The following SEMA3C variants were observed in gnomAD, a reference collection of about 807,000 sequenced individuals.
SEMA3C encodes semaphorin 3C, also known as semaphorin-3C.
SEMA3C carries 47 observed loss-of-function variants against 89.4 expected under a neutral mutation model. The observed-to-expected ratio is 0.53, with a 90% CI of 0.42 to 0.67. SEMA3C has a LOEUF of 0.67. Ranked by LOEUF, SEMA3C falls within the 30% of genes least tolerant of loss-of-function variation. The pLI is 0.00. For missense variants in SEMA3C, 839 were observed against 929.1 expected (o/e 0.90, Z 1.26); for synonymous variants, 310 against 320.2 (o/e 0.97, Z 0.34).
chr7:80,892,652 C>T (rs763819670), intron 2 of SEMA3C, among the ~76,000 whole-genome samples: 4 of 152,000 alleles, frequency 2.6e-5, no homozygotes, highest in Admixed American at 1.3e-4. Context: ...GATCATTTTT[C>T]ACAAAAATAG....
chr7:80,827,596 A>G (rs1409877048), intron 3 of SEMA3C, 109 bp from the exon 4 acceptor site: 5 of 659,326 alleles, frequency 7.6e-6, no homozygotes, highest in Non-Finnish European at 1.2e-5. Context: ...ATCTTACACT[A>G]AGACTTTAAA....
chr7:80,856,412 C>T (rs1005999974), intron 2 of SEMA3C, among the ~76,000 whole-genome samples: 5 of 150,974 alleles, frequency 3.3e-5, no homozygotes, highest in African/African-American at 7.3e-5. Flanking sequence ...AATGATAACC[C>T]GGTAGGAATG....
At chr7:80,818,501 T>C in intron 4 of SEMA3C, 83 bp from the exon 5 acceptor site, 1 of 1,462,014 alleles carries the variant, frequency 6.8e-7, no homozygotes, top group African/African-American at 1.4e-5. Flanking sequence ...TGAGATCTTG[T>C]ATGATAAGTA....
intron 2 of SEMA3C, among the ~76,000 whole-genome samples, chr7:80,854,927 A>T (rs2115957010): frequency 6.6e-6 from 1 of 152,336 alleles, no homozygotes; most frequent in Non-Finnish European, 1.5e-5. Context: ...GATAAGATGT[A>T]ACCAGATTTT....
At chr7:80,765,793 G>A (rs529107012) in intron 12 of SEMA3C, among the ~76,000 whole-genome samples, 2 of 152,178 alleles carry the variant, frequency 1.3e-5, no homozygotes, top group South Asian at 2.1e-4. Context: ...TAGCCAGGAT[G>A]GTCTCAATCT....
chr7:80,809,903 A>C (rs1485038717), intron 6 of SEMA3C, among the ~76,000 whole-genome samples: 1 of 152,072 alleles, frequency 6.6e-6, no homozygotes, highest in Non-Finnish European at 1.5e-5. Context: ...GAATCTAAAA[A>C]AGTTGATCTC....
In SEMA3C at chr7:80,902,865, G is replaced by C. The variant is rs983616888; in HGVS notation, c.103+13814C>G. 5.9e-5 allele frequency among the ~76,000 whole-genome samples: 9 copies of C among 152,250 alleles called. No homozygotes were observed. In the East Asian group the frequency reaches 1.7e-3, roughly 29 times the overall value. ...CAGAACTGCCAGCCATTAGCCCATG[G>C]CTTTTCTGCCTACGTGAAAACAGCA... On this transcript the variant is annotated intron_variant, in intron 2 of 17. Coordinates refer to ENST00000265361, the MANE Select transcript of SEMA3C (RefSeq NM_006379.5).
At chr7:80,779,544 T>C (rs1788644389) in intron 12 of SEMA3C, among the ~76,000 whole-genome samples, 2 of 152,190 alleles carry the variant, frequency 1.3e-5, no homozygotes, top group Admixed American at 1.3e-4. Context: ...TCTTAATTTA[T>C]AGGCTCTCAT....
At chr7:80,799,681 A>AAAAT (rs1347799096) in intron 10 of SEMA3C, among the ~76,000 whole-genome samples, 12 of 151,842 alleles carry the variant, frequency 7.9e-5, no homozygotes, top group Non-Finnish European at 1.3e-4. Flanking sequence ...GTCTCTACTA[A>AAAAT]AAATAAATAA....
At chr7:80,842,397 TA>T (rs1790290119) in intron 2 of SEMA3C, among the ~76,000 whole-genome samples, 1 of 152,168 alleles carries the variant, frequency 6.6e-6, no homozygotes, top group African/African-American at 2.4e-5. Flanking sequence ...ACATAATATT[TA>T]TCATTCTTGC....
chr7:80,838,293 A>G (rs1353646980), intron 2 of SEMA3C, among the ~76,000 whole-genome samples: 1 of 152,098 alleles, frequency 6.6e-6, no homozygotes, highest in Non-Finnish European at 1.5e-5. Flanking sequence ...TCTACAATAT[A>G]AAAAAAGAAT....
At chr7:80,777,438 C>T (rs1048622451) in intron 12 of SEMA3C, among the ~76,000 whole-genome samples, 14 of 152,106 alleles carry the variant, frequency 9.2e-5, no homozygotes, top group African/African-American at 2.2e-4. Context: ...ATTACAGATG[C>T]GTGCCACCAC....
rs777040394 is a variant in SEMA3C at position 80,789,363 on chromosome 7, C to T, written c.1297G>A (p.Ala433Thr). 6.4e-5 allele frequency: 104 copies of T among 1,613,916 alleles called. No individual in the cohort carries two copies. The highest frequency in any genetic ancestry group is 2.8e-4 in the Admixed American group (17 of 59,994). ...TCAGCAGCGTTCACTCGATCCACAG[C>T]TATCTTTGTATACTTGTAGTCAGTG... The part of the protein sequence containing the change: ...IGTDYKYTKI[A>T]VDRVNAADGR... The change falls in exon 12 of 18, where the codon GCT (alanine) becomes ACT (threonine). Residue 433 changes from alanine (A) to threonine (T), a missense_variant. Ala to Thr is a moderately conservative substitution (Grantham distance 58, BLOSUM62 0). Coordinates refer to ENST00000265361, the MANE Select transcript of SEMA3C (RefSeq NM_006379.5).
At position 80,852,677 on chromosome 7, in the gene SEMA3C, ATT is replaced by A. The variant is rs751469979; in HGVS notation, c.104-23934_104-23933del. On this transcript the variant is annotated intron_variant, in intron 2 of 17. Coordinates refer to ENST00000265361, the MANE Select transcript of SEMA3C (RefSeq NM_006379.5). ...TTAAAGTGAGCAAAGCTGAATAGAC[ATT>A]TTTTTTTTTTTTTTTTTGAGACAGA... Among the ~76,000 whole-genome samples the A allele has an allele frequency of 0.011, 1,568 of 137,868 alleles. 64 individuals are homozygous for A. In the East Asian group the frequency reaches 0.15, roughly 14 times the overall value. 90.4% of individuals were successfully genotyped at this position (137,868 alleles called of 152,430 possible).
chr7:80,805,804 T>A (rs1180342646), intron 6 of SEMA3C, 46 bp from the exon 7 acceptor site: 1 of 1,455,820 alleles, frequency 6.9e-7, no homozygotes, highest in African/African-American at 1.4e-5. Flanking sequence ...TTAAAGCTAT[T>A]TTGAAATTCT....
intron 2 of SEMA3C, among the ~76,000 whole-genome samples, chr7:80,841,046 G>C (rs1033926376): frequency 4.6e-5 from 7 of 152,208 alleles, no homozygotes; most frequent in Middle Eastern, 3.4e-3. Flanking sequence ...GAATGGAGTG[G>C]GGTTTTCTCA....
At chr7:80,853,984 G>T (rs1010816547) in intron 2 of SEMA3C, among the ~76,000 whole-genome samples, 10 of 151,376 alleles carry the variant, frequency 6.6e-5, no homozygotes, top group Non-Finnish European at 1.2e-4. Flanking sequence ...ATTCATTTTG[G>T]ACATCATTTC....
At chr7:80,844,668 T>C (rs935861481) in intron 2 of SEMA3C, among the ~76,000 whole-genome samples, 7 of 152,166 alleles carry the variant, frequency 4.6e-5, no homozygotes, top group Admixed American at 3.9e-4. Context: ...ATAATATTCC[T>C]CAGAGAGGTC....
At chr7:80,827,965 C>T (rs566138231) in intron 3 of SEMA3C, among the ~76,000 whole-genome samples, 1 of 151,678 alleles carries the variant, frequency 6.6e-6, no homozygotes. Flanking sequence ...CCAAGAGATT[C>T]CCTCTCTCTG....
Sources: gnomAD v4.1 joint callset for allele counts (sites outside exome capture counted in the v4.1 genomes callset) on GRCh38, gnomAD v4.1.1 for gene constraint, MANE v1.5 for transcripts, NCBI Gene and HGNC (gene_info 2026-07-23, HGNC 2026-07-21) for gene names.